FIGN: variants seen among roughly 807,000 people sequenced by gnomAD.
FIGN encodes fidgetin.
Under a neutral mutation model 51.3 loss-of-function variants are expected in FIGN, and 11 were observed. The ratio of observed to expected loss-of-function variants is 0.21; its 90% CI spans 0.13 to 0.35. The LOEUF is 0.35. Among genes scored for constraint, FIGN ranks in the 10% least tolerant of loss-of-function variants. The pLI, the probability that FIGN is intolerant of heterozygous loss-of-function variation, is 1.00. For synonymous variants in FIGN, 407 were observed against 363.2 expected, an observed-to-expected ratio of 1.12 and a Z score of -1.37; for missense variants, 857 against 943.6, an observed-to-expected ratio of 0.91 and a Z score of 1.20.
At chr2:163,616,073 C>G (rs570869520) in intron 2 of FIGN, among the ~76,000 whole-genome samples, 1 of 152,246 alleles carries the variant, frequency 6.6e-6, no homozygotes, top group Admixed American at 6.5e-5. Context: ...TATAAATGAA[C>G]AAATCCATAT....
At chr2:163,642,629 G>T (rs1194723187) in intron 2 of FIGN, among the ~76,000 whole-genome samples, 1 of 152,110 alleles carries the variant, frequency 6.6e-6, no homozygotes, top group Non-Finnish European at 1.5e-5. Flanking sequence ...CTTCATTATG[G>T]ATCCTACCAA....
intron 2 of FIGN, among the ~76,000 whole-genome samples, chr2:163,711,384 C>A (rs1404931317): frequency 6.6e-6 from 1 of 152,032 alleles, no homozygotes; most frequent in East Asian, 1.9e-4. Context: ...GTGATTAATA[C>A]CTCCCTACGT....
At chr2:163,622,468 AC>A (rs1429985531) in intron 2 of FIGN, among the ~76,000 whole-genome samples, 3 of 152,182 alleles carry the variant, frequency 2.0e-5, no homozygotes, top group Admixed American at 2.0e-4. Context: ...TGACTATTTT[AC>A]TGGCCTCTTT....
chr2:163,729,775 C>A (rs568528837), intron 2 of FIGN, among the ~76,000 whole-genome samples: 1 of 152,202 alleles, frequency 6.6e-6, no homozygotes, highest in East Asian at 1.9e-4. Context: ...CAAACATATC[C>A]ATTTATACAT....
chr2:163,668,018 C>CA (rs1683810920), intron 2 of FIGN, among the ~76,000 whole-genome samples: 1 of 148,654 alleles, frequency 6.7e-6, no homozygotes, highest in East Asian at 2.1e-4. Flanking sequence ...CCTCCAACCC[C>CA]CCCCCCCAAA....
At chr2:163,706,073 G>A (rs1386027516) in intron 2 of FIGN, among the ~76,000 whole-genome samples, 1 of 152,084 alleles carries the variant, frequency 6.6e-6, no homozygotes, top group Non-Finnish European at 1.5e-5. Flanking sequence ...AGCTTCCTCT[G>A]GGGCTCTGTG....
chr2:163,639,102 A>G lies in FIGN; in HGVS notation c.26-27296T>C, dbSNP rs902741124. Among the ~76,000 whole-genome samples, 5 of 152,290 alleles carry G rather than the reference A, an allele frequency of 3.3e-5. No individual in the cohort carries two copies. The East Asian group carries it at 9.6e-4, about 29-fold the overall frequency. ...TTTTCGGCACAAAAAATAATTTTACATAAGGTGGACAACAAAAATATATTT... is the reference window on the plus strand; with the variant it reads ...TTTTCGGCACAAAAAATAATTTTACGTAAGGTGGACAACAAAAATATATTT... On this transcript the variant is annotated intron_variant, in intron 2 of 2. Transcript: ENST00000333129.
At chr2:163,643,336 G>A (rs1311862963) in intron 2 of FIGN, among the ~76,000 whole-genome samples, 2 of 152,144 alleles carry the variant, frequency 1.3e-5, no homozygotes, top group East Asian at 1.9e-4. Flanking sequence ...ACAAAAGAAC[G>A]AAGTTGGACT....
intron 2 of FIGN, among the ~76,000 whole-genome samples, chr2:163,719,238 T>A (rs1474504538): frequency 6.6e-6 from 1 of 152,196 alleles, no homozygotes; most frequent in Non-Finnish European, 1.5e-5. Context: ...CTTAAGTGAA[T>A]AAAAAGATTT....
chr2:163,611,794 T>C lies in FIGN; in HGVS notation c.38A>G (p.Gln13Arg). 1 of 1,597,972 alleles carries C rather than the reference T, an allele frequency of 6.3e-7. No homozygotes were observed. ...SSTSVYGLKMQWTPEHAQWPE... is the reference protein window; with the variant it reads ...SSTSVYGLKMRWTPEHAQWPE... ...CCACTGGGCATGCTCTGGCGTCCACTGCATCTTCAAGCCTAAGAATTTTGG... is the reference window on the plus strand; with the variant it reads ...CCACTGGGCATGCTCTGGCGTCCACCGCATCTTCAAGCCTAAGAATTTTGG... Residue 13 changes from glutamine to arginine, a missense_variant, in exon 3 of 3, where the codon CAG (glutamine) becomes CGG (arginine). Transcript: ENST00000333129.
chr2:163,632,000 T>G (rs1683152556), intron 2 of FIGN, among the ~76,000 whole-genome samples: 1 of 152,110 alleles, frequency 6.6e-6, no homozygotes, highest in East Asian at 1.9e-4. Context: ...ATACAGAACT[T>G]AGCCAGGCAT....
intron 2 of FIGN, among the ~76,000 whole-genome samples, chr2:163,733,072 A>G (rs529780887): frequency 2.0e-5 from 3 of 152,354 alleles, no homozygotes; most frequent in South Asian, 4.1e-4. Context: ...CACTTTATAC[A>G]TATACACAAG....
intron 2 of FIGN, among the ~76,000 whole-genome samples, chr2:163,718,875 T>C (rs1684711970): frequency 6.6e-6 from 1 of 151,846 alleles, no homozygotes; most frequent in Admixed American, 6.6e-5. Context: ...TATTACAGAT[T>C]ATATGGATAA....
At chr2:163,625,768 T>C (rs761366490) in intron 2 of FIGN, among the ~76,000 whole-genome samples, 3 of 152,070 alleles carry the variant, frequency 2.0e-5, no homozygotes, top group Non-Finnish European at 2.9e-5. Context: ...TATCCGAAGC[T>C]CTTCAGCTTG....
intron 2 of FIGN, among the ~76,000 whole-genome samples, chr2:163,637,429 A>T (rs1410532449): frequency 6.6e-6 from 1 of 152,222 alleles, no homozygotes; most frequent in Non-Finnish European, 1.5e-5. Context: ...AAGGAAATCA[A>T]ACTGGAGAAA....
At chr2:163,725,099 C>G (rs1027877894) in intron 2 of FIGN, among the ~76,000 whole-genome samples, 1 of 152,078 alleles carries the variant, frequency 6.6e-6, no homozygotes, top group East Asian at 1.9e-4. Flanking sequence ...ACAACAAATG[C>G]TGCTTTACTC....
intron 2 of FIGN, among the ~76,000 whole-genome samples, chr2:163,655,252 A>G (rs1683540828): frequency 6.6e-6 from 1 of 152,224 alleles, no homozygotes; most frequent in Non-Finnish European, 1.5e-5. Context: ...CATTCATTTT[A>G]CAAACCTCAT....
At chr2:163,644,353 T>G (rs549597306) in intron 2 of FIGN, among the ~76,000 whole-genome samples, 1 of 152,308 alleles carries the variant, frequency 6.6e-6, no homozygotes, top group South Asian at 2.1e-4. Flanking sequence ...TTAGTCATCA[T>G]GAAAATGCAA....
rs1691243198 is a variant in FIGN, at chr2:163,611,045, T to A, written c.787A>T (p.Ser263Cys). The A allele has an allele frequency of 6.2e-7, 1 of 1,613,836 alleles. No homozygotes were observed. ...PPQTAVGSGY[S>C]PGGAPPPPSA... The stretch of plus-strand genomic sequence containing the variant: ...GGCGGAGGCGGTGCCCCCCCAGGGC[T>A]GTACCCAGACCCCACAGCAGTCTGA... The change falls in exon 3 of 3, where the codon AGC becomes TGC. Residue 263 changes from serine (S) to cysteine (C), a missense_variant. Transcript: ENST00000333129.
Sources: allele counts gnomAD v4.1 joint callset (sites outside exome capture counted in the v4.1 genomes callset), GRCh38; gene constraint gnomAD v4.1.1; transcripts MANE v1.5; gene names NCBI Gene and HGNC (gene_info 2026-07-23, HGNC 2026-07-21).